Variants in GRAMD1A observed in about 807,000 individuals in gnomAD.
GRAMD1A encodes the protein GRAM domain containing 1A, also known as protein Aster-A.
GRAMD1A carries 50 observed loss-of-function variants against 92.0 expected under a neutral mutation model. The ratio of observed to expected loss-of-function variants is 0.54; its 90% confidence interval spans 0.43 to 0.69. The LOEUF (loss-of-function observed/expected upper bound fraction) is 0.69, where lower values mean the gene tolerates loss of function less well. Ranked by LOEUF, GRAMD1A falls within the 30% of genes least tolerant of loss-of-function variation. The probability of loss-of-function intolerance (pLI) is 0.00; values close to 1 mark genes in which losing one functional copy is unlikely to be tolerated. For missense variants in GRAMD1A, 819 were observed against 978.9 expected, an observed-to-expected ratio of 0.84 and a Z score of 2.18; for synonymous variants, 405 against 403.6, an observed-to-expected ratio of 1.00 and a Z score of -0.04.
intron 16 of GRAMD1A, 39 bp from the exon 17 acceptor site, chr19:35,022,861 C>G: frequency 1.3e-6 from 2 of 1,596,828 alleles, no homozygotes; most frequent in Non-Finnish European, 8.5e-7. Flanking sequence ...GGCCAGGCGG[C>G]GCTCATCTCT....
At chr19:35,008,979 C>T (rs2015019282) in intron 1 of GRAMD1A, 140 bp from the exon 2 acceptor site, 1 of 667,164 alleles carries the variant, frequency 1.5e-6, no homozygotes, top group East Asian at 2.6e-5. Context: ...CTGAGTGTCA[C>T]TGCTGGGAAG....
intron 11 of GRAMD1A, among the ~76,000 whole-genome samples, chr19:35,018,770 G>C (rs73038380): frequency 0.4 from 60,713 of 151,588 alleles, 12,601 homozygotes; most frequent in African/African-American, 0.5. Context: ...AGGGGTTTGA[G>C]TAGGGGGTGT....
chr19:35,000,941 T>TGCCTGGGCCCCCTCCC lies in GRAMD1A; in HGVS notation c.8+456_8+471dup, dbSNP rs2014320913. Among the ~76,000 whole-genome samples the TGCCTGGGCCCCCTCCC allele has an allele frequency of 6.6e-6, 1 of 151,584 alleles. No individual in the cohort carries two copies. The highest frequency in any genetic ancestry group is 6.6e-5 in the Admixed American group (1 of 15,244). On this transcript the variant is annotated intron_variant, in intron 1 of 19. Transcript: ENST00000317991. The surrounding 1 kb of genome is among the most constrained non-coding windows in gnomAD (Gnocchi z 4.9). ...GCGCCGGGAGTAGGCAGCCCCCTCC[T>TGCCTGGGCCCCCTCCC]GCCTGGGCCCCCTCCCACCGTCCTT...
At position 35,010,181 on chromosome 19, in the gene GRAMD1A, C is replaced by T. The variant is rs749038258; in HGVS notation, c.415C>T (p.Arg139Cys). Residue 139 changes from arginine (R) to cysteine (C), a missense_variant, in exon 5 of 20, where the codon CGC (arginine) becomes TGC (cysteine). Arg to Cys is a radical substitution (Grantham distance 180). Around this residue, in one of 3 missense-constraint regions of GRAMD1A, gnomAD observed 144 missense variants for 220.3 expected, o/e 0.65. Coordinates refer to ENST00000317991, the MANE Select transcript of GRAMD1A (RefSeq NM_020895.5). ...GATCTGCTTCTACAGCAACATCTTC[C>T]GCTGGGAGACCACGGTGAGCCCGCA... ...NWICFYSNIFRWETTISIQLK... is the reference protein window; with the variant it reads ...NWICFYSNIFCWETTISIQLK... 4.7e-5 allele frequency: 76 copies of T among 1,611,998 alleles called. No individual in the cohort carries two copies. Among genetic ancestry groups the T allele is most frequent in the Non-Finnish European group, 5.9e-5 (69 of 1,178,100 alleles).
In GRAMD1A at chr19:35,026,215, G is replaced by A. The variant is rs955956673; in HGVS notation, c.*74G>A. 32 of 807,336 alleles carry A rather than the reference G, an allele frequency of 4.0e-5. No individual in the cohort carries two copies. Among genetic ancestry groups the A allele is most frequent in the African/African-American group, 1.2e-4 (7 of 59,540 alleles). 50.0% of individuals were successfully genotyped at this position (807,336 alleles called of 1,614,324 possible). On this transcript the variant is annotated 3_prime_UTR_variant, in exon 20 of 20. Coordinates refer to ENST00000317991, the MANE Select transcript of GRAMD1A (RefSeq NM_020895.5). The stretch of plus-strand genomic sequence containing the variant: ...GAGCCTCGGCGGCCACTGCTGGCAC[G>A]GTGTGAGCGCCAGGCATCTCCCACC...
chr19:35,022,858 C>T (rs376620229), intron 16 of GRAMD1A, 42 bp from the exon 17 acceptor site: 11 of 1,593,050 alleles, frequency 6.9e-6, no homozygotes, highest in South Asian at 2.3e-5. Context: ...GCAGGCCAGG[C>T]GGCGCTCATC....
In GRAMD1A at chr19:35,013,264, T is replaced by A; in HGVS notation, c.615T>A (p.Ser205Arg). 1 of 1,539,064 alleles carries A rather than the reference T, an allele frequency of 6.5e-7. No individual in the cohort carries two copies. The highest frequency in any genetic ancestry group is 1.2e-5 in the South Asian group (1 of 83,770). The change falls in exon 8 of 20, where the codon AGT (serine) becomes AGA (arginine). Residue 205 changes from serine (S) to arginine (R), a missense_variant. Coordinates refer to ENST00000317991, the MANE Select transcript of GRAMD1A (RefSeq NM_020895.5). The surrounding 1 kb of genome is among the most constrained non-coding windows in gnomAD (Gnocchi z 4.9). ...WQNALLEKTL[S>R]PRELWHLVHQ... is the part of the protein sequence containing the mutation. ...AGGTCCCGCCTCCCCAGACGCTGAG[T>A]CCCCGCGAGCTCTGGCACCTGGTGC...
Position 35,021,982 on chromosome 19 carries a change from T to C in GRAMD1A, c.1785T>C (p.Ser595=). The change falls in exon 16 of 20, where the codon TCT becomes TCC. Residue 595 remains serine, a synonymous_variant. Transcript: ENST00000317991. The surrounding 1 kb of genome is among the most constrained non-coding windows in gnomAD (Gnocchi z 5.3). ...TCAGCTCCCGCTTCTCCGAACCATC[T>C]GTGGACCAGGGCCCCGGGGCAGGCA... is the stretch of plus-strand genomic sequence containing the variant. ...GSLSSRFSEP[S]VDQGPGAGIP... The C allele has an allele frequency of 1.9e-6, 3 of 1,614,112 alleles. No homozygotes were observed. Among genetic ancestry groups the C allele is most frequent in the Non-Finnish European group, 2.5e-6 (3 of 1,179,992 alleles).
At chr19:34,996,184 C>A (rs1417839963), upstream of GRAMD1A, 3 of 1,535,914 alleles carry the variant, frequency 2.0e-6, no homozygotes, top group Admixed American at 5.9e-5. Context: ...AGGTGCCCAT[C>A]ATTCACATAA....
rs542242686 is a variant in GRAMD1A, at chr19:35,021,906, G to A, written c.1753+42G>A. The A allele has an allele frequency of 6.2e-7, 1 of 1,609,972 alleles. No individual in the cohort carries two copies. The highest frequency in any genetic ancestry group is 1.3e-5 in the African/African-American group (1 of 74,944). On this transcript the variant is annotated intron_variant, in intron 15 of 19. Transcript: ENST00000317991. The surrounding 1 kb of genome is among the most constrained non-coding windows in gnomAD (Gnocchi z 5.3). ...CCGGGTTGGGGTAGGCGGAGGATCG[G>A]GGGTCCTGGACTGGGCCATCTGACT...
intron 17 of GRAMD1A, 104 bp from the exon 18 acceptor site, chr19:35,023,132 T>C: frequency 4.6e-6 from 4 of 876,342 alleles, no homozygotes; most frequent in Non-Finnish European, 7.7e-6. Context: ...CTAATTCTCC[T>C]CCTCTGCAAT....
intron 7 of GRAMD1A, chr19:35,012,998 T>C: frequency 2.2e-6 from 1 of 449,566 alleles, no homozygotes; most frequent in Non-Finnish European, 4.0e-6. Context: ...AAAAAAGATA[T>C]AAAAAAAATG....
Position 35,013,159 on chromosome 19 carries a change from C to G in GRAMD1A, c.607-97C>G. 3 of 658,154 alleles carry G rather than the reference C, an allele frequency of 4.6e-6. No homozygotes were observed. Among genetic ancestry groups the G allele is most frequent in the Non-Finnish European group, 8.1e-6 (3 of 371,686 alleles). The allele number at this position is 658,154 out of a possible 1,614,324, so 40.8% of individuals were successfully genotyped here. On this transcript the variant is annotated intron_variant, in intron 7 of 19. Coordinates refer to ENST00000317991, the MANE Select transcript of GRAMD1A (RefSeq NM_020895.5). The surrounding 1 kb of genome is among the most constrained non-coding windows in gnomAD (Gnocchi z 4.9). ...ATCGTGGCTGCCTCCTTGTGGAAGC[C>G]AGGGGAACTGCGGAGGCCGAGGGCT...
In GRAMD1A at chr19:35,014,305, C is replaced by A; in HGVS notation, c.987C>A (p.Thr329=). Reference sequence around the variant, plus strand: ...AGCCCACCCAGCCTGACGGGCCCACCACCCTGGGCCCCTTGGATCTGCTGC... The same window carrying A: ...AGCCCACCCAGCCTGACGGGCCCACAACCCTGGGCCCCTTGGATCTGCTGC... ...STEPTQPDGP[T]TLGPLDLLPS... Residue 329 remains threonine (T), a synonymous_variant, in exon 10 of 20, where the codon ACC becomes ACA. Transcript: ENST00000317991. 6.2e-7 allele frequency: 1 copy of A among 1,613,906 alleles called. No homozygotes were observed. The highest frequency in any genetic ancestry group is 8.5e-7 in the Non-Finnish European group (1 of 1,179,744).
At chr19:35,010,051 C>CGTGACTT (rs201567394) in intron 4 of GRAMD1A, 41 bp from the exon 5 acceptor site, 41,321 of 1,536,888 alleles carry the variant, frequency 0.027, 645 homozygotes, top group Non-Finnish European at 0.032. Flanking sequence ...GGCTGAGCCT[C>CGTGACTT]GTGACTTGGG....
At chr19:35,023,084 CTG>C (rs1248061827) in intron 17 of GRAMD1A, 150 bp from the exon 18 acceptor site, 1 of 794,950 alleles carries the variant, frequency 1.3e-6, no homozygotes, top group East Asian at 2.4e-5. Flanking sequence ...CTGCTATGGA[CTG>C]TGCAACCCTA....
rs775763103 is a variant in GRAMD1A, at chr19:35,019,479, A to G, written c.1421A>G (p.Tyr474Cys). The G allele has an allele frequency of 1.1e-5, 17 of 1,613,834 alleles. No individual in the cohort carries two copies. Reference sequence around the variant, plus strand: ...GGCATCCCCTACCAGGACTACTTCTACACTGCCCACCGCTACTGCATCCTG... The same window carrying G: ...GGCATCCCCTACCAGGACTACTTCTGCACTGCCCACCGCTACTGCATCCTG... ...TQGIPYQDYF[Y>C]TAHRYCILGL... The change falls in exon 13 of 20, where the codon TAC becomes TGC. Residue 474 changes from tyrosine to cysteine, a missense_variant. By Grantham distance (194) the Tyr-to-Cys change is radical. Coordinates refer to ENST00000317991, the MANE Select transcript of GRAMD1A (RefSeq NM_020895.5).
At position 35,013,389 on chromosome 19, in the gene GRAMD1A, G is replaced by A. The variant is rs768094373; in HGVS notation, c.719+21G>A. Reference sequence around the variant, plus strand: ...CTGGGGTGAGTTGGAGGTCAAAGGAGGTTGAAGGGTTCGGGGGAGAACAGG... The same window carrying A: ...CTGGGGTGAGTTGGAGGTCAAAGGAAGTTGAAGGGTTCGGGGGAGAACAGG... On this transcript the variant is annotated intron_variant, in intron 8 of 19. Coordinates refer to ENST00000317991, the MANE Select transcript of GRAMD1A (RefSeq NM_020895.5). The surrounding 1 kb of genome is among the most constrained non-coding windows in gnomAD (Gnocchi z 4.9). 3.3e-6 allele frequency: 5 copies of A among 1,519,830 alleles called. No homozygotes were observed. In the Middle Eastern group the frequency reaches 8.4e-4, roughly 256 times the overall value. 94.1% of individuals were successfully genotyped at this position (1,519,830 alleles called of 1,614,324 possible).
At chr19:35,008,429 C>G (rs1238532501) in intron 1 of GRAMD1A, among the ~76,000 whole-genome samples, 1 of 152,152 alleles carries the variant, frequency 6.6e-6, no homozygotes, top group Non-Finnish European at 1.5e-5. Context: ...GTGGTTCATG[C>G]CTGTAATCCC....
Sources: gnomAD v4.1 joint callset for allele counts (sites outside exome capture counted in the v4.1 genomes callset) on GRCh38, gnomAD v4.1.1 for gene constraint, gnomAD v4.1.1 regional missense constraint, Gnocchi (gnomAD v3.1) non-coding constraint, MANE v1.5 for transcripts, NCBI Gene and HGNC (gene_info 2026-07-23, HGNC 2026-07-21) for gene names.